PTPRQ: variants seen among roughly 807,000 people sequenced by gnomAD.
The protein encoded by PTPRQ is protein tyrosine phosphatase receptor type Q, also known as phosphatidylinositol phosphatase PTPRQ.
PTPRQ carries 199 observed loss-of-function variants against 246.0 expected under a neutral mutation model. The ratio of observed to expected loss-of-function variants is 0.81; its 90% CI spans 0.72 to 0.91. The LOEUF (loss-of-function observed/expected upper bound fraction) is 0.91, where lower values mean the gene tolerates loss of function less well. PTPRQ is among the 40% of genes least tolerant of loss of function. The probability of loss-of-function intolerance (pLI) is 0.00; values close to 1 mark genes in which losing one functional copy is unlikely to be tolerated. For synonymous variants in PTPRQ, 869 were observed against 853.2 expected, an observed-to-expected ratio of 1.02 and a Z score of -0.32; for missense variants, 2,624 against 2,528.4, an observed-to-expected ratio of 1.04 and a Z score of -0.81.
At position 80,670,457 on chromosome 12, in the gene PTPRQ, G is replaced by T; in HGVS notation, c.6567G>T (p.Arg2189Ser). 1 of 1,551,014 alleles carries T rather than the reference G, an allele frequency of 6.4e-7. No individual in the cohort carries two copies. The change falls in exon 42 of 45, where the codon AGG becomes AGT. Residue 2189 changes from arginine (R) to serine (S), a missense_variant. Coordinates refer to ENST00000644991, the MANE Select transcript of PTPRQ (RefSeq NM_001145026.2). The part of the protein sequence containing the change: ...IHFVKLVRAS[R>S]AHDTTPMIVH... ...TTGTGAAGTTGGTTCGAGCAAGCAG[G>T]GCACATGACACCACACCTATGATTG...
intron 17 of PTPRQ, among the ~76,000 whole-genome samples, 174 bp downstream of exon 17, chr12:80,510,617 A>G (rs751967809): frequency 6.6e-6 from 1 of 152,180 alleles, no homozygotes; most frequent in African/African-American, 2.4e-5. Flanking sequence ...TAGTGGTTCA[A>G]TCATGGTCAA....
Position 80,444,830 on chromosome 12 carries a change from AGTGACAACAAAT to A in PTPRQ, c.147_158del (p.Thr51_Thr54del), listed in dbSNP as rs368946018. 4,216 of 1,532,464 alleles carry A rather than the reference AGTGACAACAAAT, an allele frequency of 2.8e-3. 11 individuals are homozygous for A. Among genetic ancestry groups the A allele is most frequent in the Non-Finnish European group, 3.0e-3 (3,399 of 1,134,604 alleles). 94.9% of individuals were successfully genotyped at this position (1,532,464 alleles called of 1,614,324 possible). ...CATACACCTCACCTGTTACTAGAATAGTGACAACAAATGTAACAAGTGAGTATATGTTTTAAA... is the reference window on the plus strand; with the variant it reads ...CATACACCTCACCTGTTACTAGAATAGTAACAAGTGAGTATATGTTTTAAA... On this transcript the variant is annotated inframe_deletion, in exon 2 of 45. Coordinates refer to ENST00000644991, the MANE Select transcript of PTPRQ (RefSeq NM_001145026.2).
intron 25 of PTPRQ, among the ~76,000 whole-genome samples, chr12:80,573,315 C>T (rs555457533): frequency 6.6e-6 from 1 of 152,204 alleles, no homozygotes; most frequent in South Asian, 2.1e-4. Flanking sequence ...CAGTGAAACC[C>T]CGTCTCTACT....
At chr12:80,572,499 ATTGT>A (rs1323993372) in intron 25 of PTPRQ, among the ~76,000 whole-genome samples, 11 of 151,826 alleles carry the variant, frequency 7.2e-5, no homozygotes, top group African/African-American at 2.2e-4. Flanking sequence ...CCATGACTTT[ATTGT>A]TTGTTTGTTT....
chr12:80,586,199 G>A (rs1196793727), intron 25 of PTPRQ, among the ~76,000 whole-genome samples: 2 of 151,712 alleles, frequency 1.3e-5, no homozygotes, highest in African/African-American at 2.4e-5. Context: ...AAACACACAA[G>A]AAAAAAACAA....
Position 80,652,729 on chromosome 12 carries a change from G to T in PTPRQ, c.6025-15G>T. 3 of 1,487,586 alleles carry T rather than the reference G, an allele frequency of 2.0e-6. No homozygotes were observed. Among genetic ancestry groups the T allele is most frequent in the South Asian group, 1.4e-5 (1 of 69,854 alleles). 92.1% of individuals were successfully genotyped at this position (1,487,586 alleles called of 1,614,324 possible). On this transcript the variant is annotated splice_polypyrimidine_tract_variant and intron_variant, in intron 37 of 44. Transcript: ENST00000644991. ...CTCTGATAAATGTAAACTTTGTAAT[G>T]ACTTTATTTTACAGGAATTACCAAA...
Position 80,613,808 on chromosome 12 carries a change from T to C in PTPRQ, c.5135T>C (p.Leu1712Pro). The change falls in exon 29 of 45, where the codon CTA becomes CCA. Residue 1712 changes from leucine (L) to proline (P), a missense_variant. Leu to Pro is a moderately conservative substitution (Grantham distance 98). Coordinates refer to ENST00000644991, the MANE Select transcript of PTPRQ (RefSeq NM_001145026.2). ...TTCGTCATTGCAATGCTAGAAGGAC[T>C]AAAAGGTGGACATACATACAATATC... Reference protein sequence around the residue: ...NTFVIAMLEGLKGGHTYNISV... With the variant: ...NTFVIAMLEGPKGGHTYNISV... The C allele has an allele frequency of 1.9e-6, 3 of 1,539,440 alleles. No individual in the cohort carries two copies. Among genetic ancestry groups the C allele is most frequent in the Non-Finnish European group, 2.6e-6 (3 of 1,140,180 alleles).
chr12:80,557,943 A>G (rs1896690993), intron 25 of PTPRQ, among the ~76,000 whole-genome samples: 1 of 152,014 alleles, frequency 6.6e-6, no homozygotes, highest in South Asian at 2.1e-4. Flanking sequence ...CATTTTAACA[A>G]TGTTATATAA....
At chr12:80,466,111 C>T (rs555841159) in intron 6 of PTPRQ, among the ~76,000 whole-genome samples, 490 of 152,218 alleles carry the variant, frequency 3.2e-3, no homozygotes, top group African/African-American at 0.01. Context: ...AAAACCCCAT[C>T]GTCTCAGCCC....
chr12:80,452,461 T>C (rs936626729), intron 3 of PTPRQ, among the ~76,000 whole-genome samples: 30 of 152,180 alleles, frequency 2.0e-4, no homozygotes, highest in Non-Finnish European at 2.4e-4. Flanking sequence ...TTCCTAGCCT[T>C]GATGGTCTTT....
At chr12:80,621,238 C>T (rs1021722758) in intron 32 of PTPRQ, among the ~76,000 whole-genome samples, 3 of 151,730 alleles carry the variant, frequency 2.0e-5, no homozygotes, top group African/African-American at 4.8e-5. Context: ...TAGGTTATTG[C>T]CTGAATAGCT....
At chr12:80,568,427 C>G (rs553415582) in intron 25 of PTPRQ, among the ~76,000 whole-genome samples, 1 of 152,270 alleles carries the variant, frequency 6.6e-6, no homozygotes, top group South Asian at 2.1e-4. Context: ...CAAGAGTTCT[C>G]TTGGTGTGAA....
chr12:80,667,896 A>G (rs1354498213), intron 39 of PTPRQ, among the ~76,000 whole-genome samples: 1 of 151,974 alleles, frequency 6.6e-6, no homozygotes, highest in Non-Finnish European at 1.5e-5. Context: ...TATACTGTGT[A>G]TTTAAGAGAA....
At chr12:80,458,811 AT>A (rs1893056853) in intron 4 of PTPRQ, among the ~76,000 whole-genome samples, 1 of 152,110 alleles carries the variant, frequency 6.6e-6, no homozygotes, top group African/African-American at 2.4e-5. Context: ...GATTTTGAAA[AT>A]GTAAAATACA....
chr12:80,621,998 A>G, intron 32 of PTPRQ, 63 bp from the exon 33 acceptor site: 1 of 1,082,256 alleles, frequency 9.2e-7, no homozygotes, highest in Non-Finnish European at 1.3e-6. Flanking sequence ...TTACTTCTTG[A>G]GTTATTCATA....
chr12:80,495,401 G>GTTGTTGTTT (rs748055008), intron 12 of PTPRQ, 30 bp downstream of exon 12: 5 of 1,490,522 alleles, frequency 3.4e-6, no homozygotes, highest in East Asian at 5.0e-5. Context: ...TGTTGTTGTT[G>GTTGTTGTTT]TTGTTCATTT....
rs1894217271 is a variant in PTPRQ, at chr12:80,484,736, G to C, written c.1359+131G>C. ...ACTAGTACAAAGTAAAGTAAATTTG[G>C]GGCATGTTGATAATCTAGCTAGATC... On this transcript the variant is annotated intron_variant, in intron 9 of 44. Transcript: ENST00000644991. 3.6e-6 allele frequency: 4 copies of C among 1,100,312 alleles called. No homozygotes were observed. In the African/African-American group the frequency reaches 6.5e-5, roughly 18 times the overall value. The allele number at this position is 1,100,312 out of a possible 1,614,324, so 68.2% of individuals were successfully genotyped here. A position where few individuals can be genotyped will look rare whatever the true frequency, so the allele number is the denominator to read the frequency against.
intron 8 of PTPRQ, among the ~76,000 whole-genome samples, chr12:80,478,722 G>A (rs1592558219): frequency 6.6e-6 from 1 of 152,284 alleles, no homozygotes; most frequent in African/African-American, 2.4e-5. Context: ...AGAACTACGT[G>A]AAGAATGCAG....
chr12:80,657,905 C>T (rs150860222), intron 38 of PTPRQ, 80 bp from the exon 39 acceptor site: 75 of 1,068,354 alleles, frequency 7.0e-5, no homozygotes, highest in Non-Finnish European at 9.1e-5. Flanking sequence ...TTATGAACTC[C>T]TTTGTATTAC....
Sources: allele counts gnomAD v4.1 joint callset (sites outside exome capture counted in the v4.1 genomes callset), GRCh38; gene constraint gnomAD v4.1.1; transcripts MANE v1.5; gene names NCBI Gene and HGNC (gene_info 2026-07-23, HGNC 2026-07-21).